DBT: variants seen among roughly 807,000 people sequenced by gnomAD.
DBT encodes dihydrolipoamide branched chain transacylase E2, also known as lipoamide acyltransferase component of branched-chain alpha-keto acid dehydrogenase complex, mitochondrial.
Under a neutral mutation model 51.3 loss-of-function variants are expected in DBT, and 40 were observed. The ratio of observed to expected loss-of-function variants is 0.78; its 90% CI spans 0.61 to 1.02. The LOEUF is 1.02. Among genes scored for constraint, DBT ranks in the 50% least tolerant of loss-of-function variants. The pLI, the probability that DBT is intolerant of heterozygous loss-of-function variation, is 0.00. For missense variants in DBT, 510 were observed against 580.2 expected, an observed-to-expected ratio of 0.88 and a Z score of 1.24; for synonymous variants, 181 against 190.4, an observed-to-expected ratio of 0.95 and a Z score of 0.41.
intron 5 of DBT, 27 bp from the exon 6 acceptor site, chr1:100,216,226 A>G: frequency 7.5e-6 from 11 of 1,467,048 alleles, no homozygotes; most frequent in Non-Finnish European, 1.0e-5. Flanking sequence ...TTTAATGCCA[A>G]AAATACAACT....
intron 4 of DBT, among the ~76,000 whole-genome samples, chr1:100,221,090 C>T (rs1662835033): frequency 6.6e-6 from 1 of 152,122 alleles, no homozygotes; most frequent in Admixed American, 6.5e-5. Context: ...AAAATTATTA[C>T]ATTATTCCAA....
At position 100,190,038 on chromosome 1, in the gene DBT, A is replaced by G. The variant is rs1440840315; in HGVS notation, c.*6217T>C. The stretch of plus-strand genomic sequence containing the variant: ...TTAAAATTAAAATTTAAATTTAAAT[A>G]GCTACATGTGGCTAGAGGCTACTGC... On this transcript the variant is annotated 3_prime_UTR_variant, in exon 11 of 11. Coordinates refer to ENST00000370132, the MANE Select transcript of DBT (RefSeq NM_001918.5). 1 of 152,266 alleles carries G rather than the reference A, an allele frequency of 6.6e-6. No individual in the cohort carries two copies. 9.4% of individuals were successfully genotyped at this position (152,266 alleles called of 1,614,324 possible). A position where few individuals can be genotyped will look rare whatever the true frequency, so the allele number is the denominator to read the frequency against.
intron 8 of DBT, among the ~76,000 whole-genome samples, chr1:100,210,188 A>G (rs773471151): frequency 1.3e-5 from 2 of 151,610 alleles, no homozygotes; most frequent in Non-Finnish European, 2.9e-5. Context: ...GCGCATGCCT[A>G]TAGTCCCAGC....
At chr1:100,238,476 C>T (rs1041730264) in intron 2 of DBT, among the ~76,000 whole-genome samples, 1 of 149,496 alleles carries the variant, frequency 6.7e-6, no homozygotes, top group Non-Finnish European at 1.5e-5. Flanking sequence ...CCTCCTCCTT[C>T]TTCTCTTTTC....
chr1:100,203,580 A>G (rs1341277953), intron 10 of DBT, among the ~76,000 whole-genome samples: 1 of 152,156 alleles, frequency 6.6e-6, no homozygotes, highest in Non-Finnish European at 1.5e-5. Context: ...AAAAAAGGGA[A>G]TCCTCCCTAA....
chr1:100,208,910 C>CAAAAAAA (rs11369687), intron 8 of DBT, among the ~76,000 whole-genome samples: 13 of 108,764 alleles, frequency 1.2e-4, no homozygotes, highest in African/African-American at 2.0e-4. Context: ...GACTCTGTAT[C>CAAAAAAA]AAAAAAAAAA....
chr1:100,211,092 A>AT, intron 7 of DBT: 1 of 779,374 alleles, frequency 1.3e-6, no homozygotes, highest in Non-Finnish European at 2.4e-6. Context: ...CCTCACTGAC[A>AT]TGTTGATCTT....
In DBT at chr1:100,193,300, A is replaced by G. The variant is rs1660903426; in HGVS notation, c.*2955T>C. ...GGACATTTTTATTGATCATGTCATT[A>G]TTCATTTAAAACTCAATAAATGCCT... is the stretch of plus-strand genomic sequence containing the variant. On this transcript the variant is annotated 3_prime_UTR_variant, in exon 11 of 11. Coordinates refer to ENST00000370132, the MANE Select transcript of DBT (RefSeq NM_001918.5). 1.3e-5 allele frequency: 2 copies of G among 152,234 alleles called. No individual in the cohort carries two copies. The highest frequency in any genetic ancestry group is 4.8e-5 in the African/African-American group (2 of 41,470). The allele number at this position is 152,234 out of a possible 1,614,324, so 9.4% of individuals were successfully genotyped here.
rs749677475 is a variant in DBT, at chr1:100,187,409, G to T, written c.*8846C>A. On this transcript the variant is annotated 3_prime_UTR_variant, in exon 11 of 11. Transcript: ENST00000370132. ...CTTTTATTTTTATGCACTACTTTTAGTTCTGCAGAAATAAAAGCTATACTG... is the reference window on the plus strand; with the variant it reads ...CTTTTATTTTTATGCACTACTTTTATTTCTGCAGAAATAAAAGCTATACTG... The T allele has an allele frequency of 6.6e-6, 1 of 152,162 alleles. No homozygotes were observed. Among genetic ancestry groups the T allele is most frequent in the African/African-American group, 2.4e-5 (1 of 41,438 alleles). 9.4% of individuals were successfully genotyped at this position (152,162 alleles called of 1,614,324 possible).
intron 1 of DBT, among the ~76,000 whole-genome samples, chr1:100,248,580 G>A (rs916501953): frequency 2.6e-5 from 4 of 152,172 alleles, no homozygotes; most frequent in Admixed American, 2.0e-4. Context: ...GCCAAAGTCA[G>A]AGCCCTTTAG....
intron 1 of DBT, among the ~76,000 whole-genome samples, chr1:100,248,159 T>C (rs1165702082): frequency 1.3e-5 from 2 of 150,968 alleles, no homozygotes; most frequent in African/African-American, 4.9e-5. Flanking sequence ...GCCGGGGCCA[T>C]GTAACACAGT....
Position 100,214,811 on chromosome 1 carries a change from T to C in DBT, c.939+6A>G, listed in dbSNP as rs749147497. 10 of 1,613,460 alleles carry C rather than the reference T, an allele frequency of 6.2e-6. No individual in the cohort carries two copies. In the Admixed American group the frequency reaches 1.7e-4, roughly 27 times the overall value. ...TCAAGCCTTGTTTGAAATGAATGAA[T>C]CTCACCTTTAAGAAGAAAGGCATAA... On this transcript the variant is annotated splice_donor_region_variant and intron_variant, in intron 7 of 10. Transcript: ENST00000370132.
chr1:100,224,230 A>C (rs754872702), intron 4 of DBT, among the ~76,000 whole-genome samples: 1 of 152,230 alleles, frequency 6.6e-6, no homozygotes, highest in African/African-American at 2.4e-5. Context: ...TTATACTTCT[A>C]GAAGACTTTG....
intron 10 of DBT, among the ~76,000 whole-genome samples, chr1:100,200,368 C>G (rs551864423): frequency 6.6e-6 from 1 of 152,336 alleles, no homozygotes; most frequent in Non-Finnish European, 1.5e-5. Context: ...TTCCTCCTCT[C>G]TGGGCAGGCA....
At position 100,195,767 on chromosome 1, in the gene DBT, C is replaced by A. The variant is rs778739081; in HGVS notation, c.*488G>T. The A allele has an allele frequency of 5.7e-6, 1 of 174,598 alleles. No individual in the cohort carries two copies. The highest frequency in any genetic ancestry group is 1.2e-5 in the Non-Finnish European group (1 of 81,268). The allele number at this position is 174,598 out of a possible 1,614,324, so 10.8% of individuals were successfully genotyped here. On this transcript the variant is annotated 3_prime_UTR_variant, in exon 11 of 11. Coordinates refer to ENST00000370132, the MANE Select transcript of DBT (RefSeq NM_001918.5). ...GCAACCTCCACCTCCCAGGTTCAAGCGATTCTCCTGCCTCAGCCTCCCAAG... is the reference window on the plus strand; with the variant it reads ...GCAACCTCCACCTCCCAGGTTCAAGAGATTCTCCTGCCTCAGCCTCCCAAG...
Position 100,206,282 on chromosome 1 carries a change from T to C in DBT, c.1229A>G (p.Lys410Arg). 4 of 1,613,080 alleles carry C rather than the reference T, an allele frequency of 2.5e-6. No individual in the cohort carries two copies. The highest frequency in any genetic ancestry group is 3.4e-6 in the Non-Finnish European group (4 of 1,179,386). Residue 410 changes from lysine (K) to arginine (R), a missense_variant, in exon 10 of 11, where the codon AAA becomes AGA. Coordinates refer to ENST00000370132, the MANE Select transcript of DBT (RefSeq NM_001918.5). Reference sequence around the variant, plus strand: ...TACTTCAGGTGGCATTATCACTGGTTTGGCAAAGGTACCACCAATCTATTT... The same window carrying C: ...TACTTCAGGTGGCATTATCACTGGTCTGGCAAAGGTACCACCAATCTATTT... ...NIGSIGGTFA[K>R]PVIMPPEVAI...
In DBT at chr1:100,218,752, T is replaced by A. The variant is rs374530437; in HGVS notation, c.434-5A>T. The A allele has an allele frequency of 6.2e-7, 1 of 1,613,406 alleles. No individual in the cohort carries two copies. The highest frequency in any genetic ancestry group is 2.2e-5 in the East Asian group (1 of 44,852). On this transcript the variant is annotated splice_polypyrimidine_tract_variant and splice_region_variant and intron_variant, in intron 4 of 10. Transcript: ENST00000370132. ...CAACAACATCTTCTTCTGAATCTGG[T>A]AACAAGGTAAAACTTAACTTCAGTT...
intron 1 of DBT, among the ~76,000 whole-genome samples, chr1:100,242,537 T>A (rs1177139905): frequency 6.6e-6 from 1 of 152,198 alleles, no homozygotes; most frequent in Non-Finnish European, 1.5e-5. Flanking sequence ...CTTTATAATA[T>A]CAACATTTTA....
At chr1:100,233,900 C>T (rs1359950479) in intron 3 of DBT, among the ~76,000 whole-genome samples, 1 of 152,226 alleles carries the variant, frequency 6.6e-6, no homozygotes, top group Non-Finnish European at 1.5e-5. Flanking sequence ...GAGGAACAGC[C>T]TACGACCTAA....
Sources: allele counts gnomAD v4.1 joint callset (sites outside exome capture counted in the v4.1 genomes callset), GRCh38; gene constraint gnomAD v4.1.1; transcripts MANE v1.5; gene names NCBI Gene and HGNC (gene_info 2026-07-23, HGNC 2026-07-21).